Variants in DGCR2 observed in about 807,000 individuals in gnomAD.
DGCR2 encodes DiGeorge syndrome critical region gene 2, also known as integral membrane protein DGCR2/IDD.
DGCR2 carries 24 observed loss-of-function variants against 51.6 expected under a neutral mutation model. That is an observed-to-expected ratio of 0.47 (90% CI 0.34 to 0.65). The LOEUF is 0.65. DGCR2 is among the 30% of genes least tolerant of loss of function. The pLI is 0.01. For synonymous variants in DGCR2, 340 were observed against 315.4 expected (o/e 1.08, Z -0.82); for missense variants, 765 against 772.1 (o/e 0.99, Z 0.11).
intron 3 of DGCR2, 36 bp from the exon 4 acceptor site, chr22:19,065,103 G>A (rs761483962): frequency 6.3e-7 from 1 of 1,587,268 alleles, no homozygotes; most frequent in Non-Finnish European, 8.6e-7. Flanking sequence ...CCCAAGTTAG[G>A]ATCCAGCTCC....
chr22:19,079,837 T>C (rs548572359), intron 2 of DGCR2, among the ~76,000 whole-genome samples: 2 of 152,240 alleles, frequency 1.3e-5, no homozygotes, highest in Non-Finnish European at 2.9e-5. Flanking sequence ...GCTGTGGCCC[T>C]TCTGGTCTGG....
At chr22:19,047,624 T>G (rs1306186282) in intron 7 of DGCR2, 1 of 151,902 alleles carries the variant, frequency 6.6e-6, no homozygotes, top group Non-Finnish European at 1.5e-5. Flanking sequence ...CCGTGGAGTG[T>G]GAGGGGTGTT....
chr22:19,064,819 GCCCCTCAGGT>G lies in DGCR2; in HGVS notation c.548+19_548+28del. On this transcript the variant is annotated intron_variant, in intron 4 of 9. Transcript: ENST00000263196. The stretch of plus-strand genomic sequence containing the variant: ...CAGTAGTCATCAGACTCTGACTCCA[GCCCCTCAGGT>G]CCCCAATCCAGGACTCACTTGCGCT... The G allele has an allele frequency of 1.2e-6, 2 of 1,600,696 alleles. No individual in the cohort carries two copies. Among genetic ancestry groups the G allele is most frequent in the East Asian group, 4.5e-5 (2 of 44,728 alleles).
chr22:19,065,349 TG>T (rs1317718152), intron 3 of DGCR2, among the ~76,000 whole-genome samples: 1 of 152,226 alleles, frequency 6.6e-6, no homozygotes, highest in Admixed American at 6.5e-5. Context: ...AATTAAGTCT[TG>T]TAAAGTGGAT....
intron 5 of DGCR2, chr22:19,060,563 C>T (rs1205208906): frequency 5.6e-6 from 1 of 179,078 alleles, no homozygotes; most frequent in East Asian, 1.7e-4. Context: ...AAGTATGACT[C>T]ACCAGACAGA....
At chr22:19,102,776 C>A (rs546668386) in intron 1 of DGCR2, among the ~76,000 whole-genome samples, 25 of 152,088 alleles carry the variant, frequency 1.6e-4, no homozygotes, top group Non-Finnish European at 4.4e-5. Context: ...GAGGCTGAGA[C>A]AGGAAGATCG....
At chr22:19,056,749 C>T (rs75756208) in intron 6 of DGCR2, among the ~76,000 whole-genome samples, 4,282 of 152,174 alleles carry the variant, frequency 0.028, 153 homozygotes, top group South Asian at 0.18. Flanking sequence ...GGATGATTGT[C>T]TCTTCCGTGG....
intron 5 of DGCR2, 121 bp downstream of exon 5, chr22:19,063,081 C>G (rs1322928883): frequency 8.9e-6 from 8 of 901,668 alleles, no homozygotes; most frequent in Non-Finnish European, 1.2e-5. Flanking sequence ...CTGGGGCTCA[C>G]CCACTCCCTG....
At chr22:19,096,113 G>A (rs973934512) in intron 1 of DGCR2, among the ~76,000 whole-genome samples, 28 of 152,182 alleles carry the variant, frequency 1.8e-4, no homozygotes, top group African/African-American at 6.5e-4. Flanking sequence ...CAAGAACCTG[G>A]AACCCTCCAT....
At position 19,063,224 on chromosome 22, in the gene DGCR2, A is replaced by G. The variant is rs745537604; in HGVS notation, c.603T>C (p.Gly201=). 1.2e-6 allele frequency: 2 copies of G among 1,614,168 alleles called. No homozygotes were observed. Among genetic ancestry groups the G allele is most frequent in the Admixed American group, 3.3e-5 (2 of 60,020 alleles). ...VITGRNRSLE[G]RWEVAFKGSS... ...CACCTTTGAATGCCACCTCCCAGCG[A>G]CCTTCCAAGGAGCGGTTCCGGCCAG... The change falls in exon 5 of 10, where the codon GGT becomes GGC. Residue 201 remains glycine, a synonymous_variant. Coordinates refer to ENST00000263196, the MANE Select transcript of DGCR2 (RefSeq NM_005137.3).
chr22:19,066,363 G>A (rs920465102), intron 3 of DGCR2, among the ~76,000 whole-genome samples: 2 of 152,012 alleles, frequency 1.3e-5, no homozygotes, highest in Non-Finnish European at 2.9e-5. Flanking sequence ...CCAAAAGTGC[G>A]CCACTGCACT....
chr22:19,066,926 C>T (rs2082756348), intron 3 of DGCR2, among the ~76,000 whole-genome samples: 1 of 152,224 alleles, frequency 6.6e-6, no homozygotes, highest in South Asian at 2.1e-4. Context: ...GCCTCAGTGT[C>T]TTCACACACC....
chr22:19,042,077 C>T (rs764784860), intron 7 of DGCR2, 118 bp from the exon 8 acceptor site: 84 of 1,179,500 alleles, frequency 7.1e-5, no homozygotes, highest in Middle Eastern at 5.8e-4. Context: ...CAGTGTCTCC[C>T]TGCACCCAAC....
At chr22:19,048,252 TG>T in intron 7 of DGCR2, 187 bp downstream of exon 7, 1 of 636,072 alleles carries the variant, frequency 1.6e-6, no homozygotes, top group Non-Finnish European at 2.7e-6. Context: ...GGAGGGGTCG[TG>T]TCAGACACGC....
intron 2 of DGCR2, among the ~76,000 whole-genome samples, chr22:19,080,986 G>C (rs1482802825): frequency 1.3e-5 from 2 of 152,168 alleles, no homozygotes; most frequent in East Asian, 1.9e-4. Context: ...TTGGCACTCA[G>C]AGCCTTCAAG....
chr22:19,064,244 C>A (rs142772520), intron 4 of DGCR2, among the ~76,000 whole-genome samples: 7 of 152,384 alleles, frequency 4.6e-5, no homozygotes, highest in Non-Finnish European at 8.8e-5. Flanking sequence ...CCCTGCCCTC[C>A]GGGCTATACC....
chr22:19,101,792 C>G (rs982198140), intron 1 of DGCR2, among the ~76,000 whole-genome samples: 2 of 149,444 alleles, frequency 1.3e-5, no homozygotes, highest in Non-Finnish European at 3.0e-5. Flanking sequence ...TCACCACACT[C>G]GTCAGTAATC....
chr22:19,096,326 T>C (rs752267016), intron 1 of DGCR2, among the ~76,000 whole-genome samples: 6 of 151,732 alleles, frequency 4.0e-5, no homozygotes, highest in Non-Finnish European at 8.8e-5. Context: ...GAGAGTGGAG[T>C]AGTGGTTACC....
chr22:19,087,415 A>G (rs1439444063), intron 2 of DGCR2, among the ~76,000 whole-genome samples: 1 of 152,106 alleles, frequency 6.6e-6, no homozygotes, highest in African/African-American at 2.4e-5. Context: ...TTTGAAACAG[A>G]ATCTCACTCT....
Sources: gnomAD v4.1 joint callset for allele counts (sites outside exome capture counted in the v4.1 genomes callset) on GRCh38, gnomAD v4.1.1 for gene constraint, MANE v1.5 for transcripts, NCBI Gene and HGNC (gene_info 2026-07-23, HGNC 2026-07-21) for gene names.